CD5: variants seen among roughly 807,000 people sequenced by gnomAD.
The protein encoded by CD5 is CD5 molecule.
A neutral mutation model predicts 60.3 loss-of-function variants in CD5; 36 were observed. The ratio of observed to expected loss-of-function variants is 0.60; its 90% CI spans 0.46 to 0.79. The LOEUF (loss-of-function observed/expected upper bound fraction) is 0.79, where lower values mean the gene tolerates loss of function less well. Ranked by LOEUF, CD5 falls within the 30% of genes least tolerant of loss-of-function variation. CD5 has a pLI of 0.00. For missense variants in CD5, 540 were observed against 630.6 expected (o/e 0.86, Z 1.54); for synonymous variants, 230 against 257.6 (o/e 0.89, Z 1.03).
intron 2 of CD5, among the ~76,000 whole-genome samples, chr11:61,116,863 C>A (rs1860973365): frequency 6.6e-6 from 1 of 151,092 alleles, no homozygotes; most frequent in Non-Finnish European, 1.5e-5. Flanking sequence ...ACACATCACA[C>A]ACACCACACA....
At chr11:61,110,260 G>T (rs1303413757) in intron 1 of CD5, among the ~76,000 whole-genome samples, 1 of 152,042 alleles carries the variant, frequency 6.6e-6, no homozygotes, top group Admixed American at 6.6e-5. Context: ...CAGGCTGAAA[G>T]AATATACACA....
At chr11:61,103,016 G>A (rs1431071682) in intron 1 of CD5, among the ~76,000 whole-genome samples, 1 of 152,238 alleles carries the variant, frequency 6.6e-6, no homozygotes. Flanking sequence ...GTCGCCTCCA[G>A]AGACATGGAA....
chr11:61,121,981 T>C (rs1158935965), intron 6 of CD5, 77 bp downstream of exon 6: 72 of 1,299,340 alleles, frequency 5.5e-5, no homozygotes, highest in Non-Finnish European at 6.8e-5. Flanking sequence ...TGCATGTCTC[T>C]AAAGGGAAGC....
intron 1 of CD5, 37 bp downstream of exon 1, chr11:61,102,652 G>C (rs1483011588): frequency 2.6e-6 from 4 of 1,529,332 alleles, no homozygotes; most frequent in African/African-American, 1.4e-5. Flanking sequence ...GAACACCCGG[G>C]CTCGCTCCAG....
chr11:61,102,246 T>C (rs1004890031), upstream of CD5: 7 of 389,808 alleles, frequency 1.8e-5, no homozygotes, highest in Admixed American at 1.8e-4. Context: ...CCTGCAGCCC[T>C]GTCCCTCCAG....
Position 61,118,457 on chromosome 11 carries a change from A to G in CD5, c.377A>G (p.His126Arg), listed in dbSNP as rs1860997003. ...AGCCACAGCAGAAATGACATGTGTC[A>G]CTCTCTGGGCCTGACCTGCTTAGGT... ...NCSHSRNDMC[H>R]SLGLTCLEPQ... The change falls in exon 3 of 11, where the codon CAC (histidine) becomes CGC (arginine). Residue 126 changes from histidine (H) to arginine (R), a missense_variant. By Grantham distance (29) the His-to-Arg change is conservative (BLOSUM62 0). Coordinates refer to ENST00000347785, the MANE Select transcript of CD5 (RefSeq NM_014207.4). This position sits in a 1 kb window ranked among gnomAD's most constrained non-coding sequence, Gnocchi z 4.7. 1.2e-6 allele frequency: 2 copies of G among 1,614,098 alleles called. No individual in the cohort carries two copies. The highest frequency in any genetic ancestry group is 1.7e-6 in the Non-Finnish European group (2 of 1,179,992).
At chr11:61,102,439 G>T, upstream of CD5, 1 of 355,618 alleles carries the variant, frequency 2.8e-6, no homozygotes, top group Non-Finnish European at 5.7e-6. Context: ...CCTGCTCCCC[G>T]TCCCACCCCT....
Position 61,115,188 on chromosome 11 carries a change from A to G in CD5, c.94+94A>G, listed in dbSNP as rs1347092620. 3.6e-5 allele frequency: 44 copies of G among 1,211,854 alleles called. No homozygotes were observed. In the Admixed American group the frequency reaches 9.0e-4, roughly 25 times the overall value. 75.1% of individuals were successfully genotyped at this position (1,211,854 alleles called of 1,614,324 possible). On this transcript the variant is annotated intron_variant, in intron 2 of 10. Transcript: ENST00000347785. Reference sequence around the variant, plus strand: ...TCGGGGACCTCTCGATGAAGCCATCACTTCTGCCAGAGTGAACCCCACCCT... The same window carrying G: ...TCGGGGACCTCTCGATGAAGCCATCGCTTCTGCCAGAGTGAACCCCACCCT...
chr11:61,102,663 T>C, intron 1 of CD5, 48 bp downstream of exon 1: 1 of 1,477,270 alleles, frequency 6.8e-7, no homozygotes, highest in East Asian at 2.4e-5. Context: ...CTCGCTCCAG[T>C]GCAAGGAAGG....
intron 4 of CD5, 82 bp downstream of exon 4, chr11:61,119,059 A>G (rs1861010336): frequency 7.6e-7 from 1 of 1,315,908 alleles, no homozygotes; most frequent in Admixed American, 2.0e-5. Flanking sequence ...GGAATTTCTG[A>G]CAAAGGTGGA....
intron 1 of CD5, among the ~76,000 whole-genome samples, chr11:61,103,082 C>G (rs1230682508): frequency 6.6e-6 from 1 of 152,208 alleles, no homozygotes; most frequent in African/African-American, 2.4e-5. Flanking sequence ...TGGGCCGAGG[C>G]AGGGTGGAGC....
chr11:61,109,449 A>T (rs1339577058), intron 1 of CD5, among the ~76,000 whole-genome samples: 2 of 152,196 alleles, frequency 1.3e-5, no homozygotes, highest in Non-Finnish European at 2.9e-5. Context: ...TGGAGCCAGG[A>T]TGTCCTATTT....
At chr11:61,113,173 C>T (rs1306082956) in intron 1 of CD5, among the ~76,000 whole-genome samples, 3 of 152,234 alleles carry the variant, frequency 2.0e-5, no homozygotes, top group African/African-American at 4.8e-5. Flanking sequence ...GACCCAGTGC[C>T]GTAAATCCAA....
At position 61,121,591 on chromosome 11, in the gene CD5, C is replaced by G. The variant is rs1861059516; in HGVS notation, c.806-20C>G. The G allele has an allele frequency of 6.9e-7, 1 of 1,443,586 alleles. No individual in the cohort carries two copies. Among genetic ancestry groups the G allele is most frequent in the African/African-American group, 1.4e-5 (1 of 70,014 alleles). The allele number at this position is 1,443,586 out of a possible 1,614,324, so 89.4% of individuals were successfully genotyped here. On this transcript the variant is annotated intron_variant, in intron 5 of 10. Coordinates refer to ENST00000347785, the MANE Select transcript of CD5 (RefSeq NM_014207.4). ...CAGGTTCACACTTGCACCCTCCTTT[C>G]CCATTGCTTCCCCTCTCAGGTTTCC...
chr11:61,097,660 C>T (rs1371176510), upstream of CD5, among the ~76,000 whole-genome samples: 1 of 152,180 alleles, frequency 6.6e-6, no homozygotes, highest in Non-Finnish European at 1.5e-5. Flanking sequence ...CCCATAAAAA[C>T]AGGTGAACTC....
chr11:61,100,641 TG>T (rs1860660197), upstream of CD5, among the ~76,000 whole-genome samples: 1 of 82,784 alleles, frequency 1.2e-5, no homozygotes, highest in Non-Finnish European at 2.1e-5. Flanking sequence ...CACATCAACA[TG>T]GAGATTACAC....
the CD5 span, among the ~76,000 whole-genome samples, chr11:61,095,977 G>A: frequency 3.9e-5 from 6 of 152,192 alleles, no homozygotes; most frequent in African/African-American, 1.4e-4. Flanking sequence ...CAGTTACTGG[G>A]GTTTGCGGGT....
In CD5 at chr11:61,121,879, C is replaced by G. The variant is rs1861065045; in HGVS notation, c.1074C>G (p.Ser358=). ...SQCHELWERN[S]YCKKVFVTCQ... ...GCCACGAACTTTGGGAGAGAAATTC[C>G]TACTGCAAGAAGGTGTTTGTCACAT... Residue 358 remains serine, a synonymous_variant, in exon 6 of 11, where the codon TCC becomes TCG. Transcript: ENST00000347785. 2 of 1,556,030 alleles carry G rather than the reference C, an allele frequency of 1.3e-6. No homozygotes were observed. Among genetic ancestry groups the G allele is most frequent in the Non-Finnish European group, 1.7e-6 (2 of 1,143,578 alleles).
intron 5 of CD5, 27 bp downstream of exon 5, chr11:61,119,602 G>A (rs1172740248): frequency 6.5e-7 from 1 of 1,535,142 alleles, no homozygotes; most frequent in Admixed American, 1.7e-5. Flanking sequence ...CAAGCCCCAT[G>A]ACACCTTCTG....
Sources: allele counts gnomAD v4.1 joint callset (sites outside exome capture counted in the v4.1 genomes callset), GRCh38; gene constraint gnomAD v4.1.1; non-coding constraint Gnocchi (gnomAD v3.1); transcripts MANE v1.5; gene names NCBI Gene and HGNC (gene_info 2026-07-23, HGNC 2026-07-21).